The following KIAA0825 variants were observed in gnomAD, a reference collection of about 807,000 sequenced individuals.
KIAA0825 encodes KIAA0825, also known as uncharacterized protein KIAA0825.
A neutral mutation model predicts 147.6 loss-of-function variants in KIAA0825; 119 were observed. The ratio of observed to expected loss-of-function variants is 0.81; its 90% CI spans 0.69 to 0.94. The LOEUF (loss-of-function observed/expected upper bound fraction) is 0.94, where lower values mean the gene tolerates loss of function less well. Ranked by LOEUF, KIAA0825 falls within the 40% of genes least tolerant of loss-of-function variation. The pLI is 0.00. For synonymous variants in KIAA0825, 470 were observed against 518.1 expected, an observed-to-expected ratio of 0.91 and a Z score of 1.26; for missense variants, 1,381 against 1,472.7, an observed-to-expected ratio of 0.94 and a Z score of 1.02.
chr5:94,195,882 A>T (rs1771085953), intron 20 of KIAA0825, among the ~76,000 whole-genome samples: 1 of 152,128 alleles, frequency 6.6e-6, no homozygotes, highest in African/African-American at 2.4e-5. Context: ...TCATGGATAC[A>T]TTAAGTGACA....
intron 20 of KIAA0825, among the ~76,000 whole-genome samples, chr5:94,328,830 T>A (rs966972011): frequency 1.3e-5 from 2 of 152,062 alleles, no homozygotes; most frequent in East Asian, 1.9e-4. Context: ...AAGGAATAAT[T>A]TTGATGAAGA....
intron 2 of KIAA0825, among the ~76,000 whole-genome samples, chr5:94,571,055 G>A (rs1196392930): frequency 2.0e-5 from 3 of 152,104 alleles, no homozygotes; most frequent in Non-Finnish European, 4.4e-5. Context: ...GTAGAATATT[G>A]CAGATTTTGG....
chr5:94,360,348 G>T (rs1481280916), intron 20 of KIAA0825, among the ~76,000 whole-genome samples: 2 of 152,114 alleles, frequency 1.3e-5, no homozygotes, highest in Non-Finnish European at 2.9e-5. Context: ...GGTTAGTGTT[G>T]TCAGAGGTGT....
At position 94,153,454 on chromosome 5, in the gene KIAA0825, C is replaced by T. The variant is rs961157119; in HGVS notation, c.*553G>A. 6.6e-6 allele frequency: 1 copy of T among 151,920 alleles called. No homozygotes were observed. Among genetic ancestry groups the T allele is most frequent in the Admixed American group, 6.6e-5 (1 of 15,234 alleles). 9.4% of individuals were successfully genotyped at this position (151,920 alleles called of 1,614,324 possible). ...GAGGAAGACTGAAAACCACTACAAGCAGAGGTGTGACTAAAGTTATAGTTC... is the reference window on the plus strand; with the variant it reads ...GAGGAAGACTGAAAACCACTACAAGTAGAGGTGTGACTAAAGTTATAGTTC... On this transcript the variant is annotated 3_prime_UTR_variant, in exon 21 of 21. Transcript: ENST00000682413.
At chr5:94,391,468 GCT>G in intron 18 of KIAA0825, 65 bp downstream of exon 18, 8 of 1,491,066 alleles carry the variant, frequency 5.4e-6, no homozygotes, top group Non-Finnish European at 6.4e-6. Flanking sequence ...CTAACCCTTA[GCT>G]GCCAGCAGAC....
chr5:94,554,373 T>C (rs1193636958), intron 2 of KIAA0825, among the ~76,000 whole-genome samples: 3 of 152,164 alleles, frequency 2.0e-5, no homozygotes, highest in Non-Finnish European at 4.4e-5. Flanking sequence ...ATTCTTTGTA[T>C]TGCTGGTTTG....
At chr5:94,290,802 CCT>C (rs1777855928) in intron 20 of KIAA0825, among the ~76,000 whole-genome samples, 1 of 152,154 alleles carries the variant, frequency 6.6e-6, no homozygotes, top group Admixed American at 6.5e-5. Context: ...TCTGTTGTTT[CCT>C]GAGTTTTTAA....
At chr5:94,381,336 A>G (rs1748379702) in intron 20 of KIAA0825, among the ~76,000 whole-genome samples, 1 of 152,200 alleles carries the variant, frequency 6.6e-6, no homozygotes, top group South Asian at 2.1e-4. Context: ...TGGGTTCTGC[A>G]TCCATGAATT....
At chr5:94,617,782 A>T (rs1790961224) in intron 1 of KIAA0825, 1 of 152,160 alleles carries the variant, frequency 6.6e-6, no homozygotes, top group Non-Finnish European at 1.5e-5. Context: ...TTCTCTTTAC[A>T]ACTATTCTGG....
chr5:94,350,500 T>C (rs1192191933), intron 20 of KIAA0825, among the ~76,000 whole-genome samples: 1 of 152,118 alleles, frequency 6.6e-6, no homozygotes, highest in Non-Finnish European at 1.5e-5. Context: ...CAGACTGATA[T>C]CCTTGATGAA....
intron 2 of KIAA0825, among the ~76,000 whole-genome samples, chr5:94,563,061 G>A (rs1584897957): frequency 6.6e-6 from 1 of 152,114 alleles, no homozygotes; most frequent in East Asian, 1.9e-4. Flanking sequence ...GGTGTTTTGA[G>A]CTGGGCACGG....
intron 16 of KIAA0825, among the ~76,000 whole-genome samples, chr5:94,397,797 G>A (rs551654370): frequency 1.5e-4 from 23 of 152,240 alleles, no homozygotes; most frequent in African/African-American, 5.3e-4. Context: ...TATTCTATAT[G>A]ATTCCAGAAT....
In KIAA0825 at chr5:94,370,189, G is replaced by A. The variant is rs142525483; in HGVS notation, c.3710+14179C>T. On this transcript the variant is annotated intron_variant, in intron 20 of 20. Coordinates refer to ENST00000682413, the MANE Select transcript of KIAA0825 (RefSeq NM_001145678.3). Reference sequence around the variant, plus strand: ...AATAAAAAAAAAAGGACAAACAAACGGAGGAATCCATTGCTATAGCATTCT... The same window carrying A: ...AATAAAAAAAAAAGGACAAACAAACAGAGGAATCCATTGCTATAGCATTCT... Among the ~76,000 whole-genome samples, 155 of 152,178 alleles carry A rather than the reference G, an allele frequency of 1.0e-3. No homozygotes were observed. In the Middle Eastern group the frequency reaches 0.01, roughly 10 times the overall value.
intron 20 of KIAA0825, among the ~76,000 whole-genome samples, chr5:94,273,395 G>A (rs896170468): frequency 6.6e-6 from 1 of 152,028 alleles, no homozygotes; most frequent in Non-Finnish European, 1.5e-5. Context: ...TTATTTATTT[G>A]TTTATATTTC....
intron 1 of KIAA0825, among the ~76,000 whole-genome samples, chr5:94,616,437 A>G (rs1337652874): frequency 2.6e-5 from 4 of 152,178 alleles, no homozygotes; most frequent in African/African-American, 9.7e-5. Context: ...GGGTTACGTG[A>G]GTGGAACAGC....
rs147264141 is a variant in KIAA0825, at chr5:94,592,679, G to A, written c.-152-10096C>T. 4.7e-3 allele frequency: 1,249 copies of A among 268,390 alleles called. 38 individuals carry two copies. In the Admixed American group the frequency reaches 0.048, roughly 10 times the overall value. The allele number at this position is 268,390 out of a possible 1,614,324, so 16.6% of individuals were successfully genotyped here. A position where few individuals can be genotyped will look rare whatever the true frequency, so the allele number is the denominator to read the frequency against. ...TTATCGTAATGGAAGCAAAATACAC[G>A]AAGGAAAAACAGTTCCTTTTATCCC... On this transcript the variant is annotated intron_variant, in intron 1 of 20. Transcript: ENST00000682413.
intron 20 of KIAA0825, among the ~76,000 whole-genome samples, chr5:94,272,106 CAAAAAA>C (rs70975898): frequency 1.2e-4 from 8 of 66,642 alleles, no homozygotes; most frequent in African/African-American, 4.1e-4. Flanking sequence ...TTTGTAGGAG[CAAAAAA>C]AAAAAAAAAA....
intron 14 of KIAA0825, among the ~76,000 whole-genome samples, chr5:94,433,619 G>C (rs1755979344): frequency 6.6e-6 from 1 of 152,290 alleles, no homozygotes; most frequent in African/African-American, 2.4e-5. Flanking sequence ...TCATTTACTA[G>C]TTGTGCAACT....
chr5:94,285,494 T>C (rs895377656), intron 20 of KIAA0825, among the ~76,000 whole-genome samples: 1 of 152,162 alleles, frequency 6.6e-6, no homozygotes, highest in African/African-American at 2.4e-5. Context: ...TACCTGTAAA[T>C]TGAGAAAGAT....
Sources: gnomAD v4.1 joint callset for allele counts (sites outside exome capture counted in the v4.1 genomes callset) on GRCh38, gnomAD v4.1.1 for gene constraint, MANE v1.5 for transcripts, NCBI Gene and HGNC (gene_info 2026-07-23, HGNC 2026-07-21) for gene names.